Variants in SMYD3 observed in about 807,000 individuals in gnomAD.
The protein encoded by SMYD3 is SET and MYND domain containing 3, also known as histone-lysine N-methyltransferase SMYD3.
Under a neutral mutation model 57.7 loss-of-function variants are expected in SMYD3, and 36 were observed. The ratio of observed to expected loss-of-function variants is 0.62; its 90% CI spans 0.48 to 0.82. SMYD3 has a LOEUF of 0.82. SMYD3 is among the 40% of genes least tolerant of loss of function. The pLI, the probability that SMYD3 is intolerant of heterozygous loss-of-function variation, is 0.00. For missense variants in SMYD3, 515 were observed against 538.8 expected, an observed-to-expected ratio of 0.96 and a Z score of 0.44; for synonymous variants, 211 against 195.0, an observed-to-expected ratio of 1.08 and a Z score of -0.68.
intron 5 of SMYD3, among the ~76,000 whole-genome samples, chr1:246,102,290 T>C (rs929359195): frequency 1.8e-4 from 27 of 152,326 alleles, no homozygotes; most frequent in Admixed American, 1.2e-3. Context: ...CCAATATTGC[T>C]GCTCTAGTTC....
At chr1:246,011,073 C>T (rs377534409) in intron 5 of SMYD3, among the ~76,000 whole-genome samples, 6 of 152,186 alleles carry the variant, frequency 3.9e-5, no homozygotes, top group African/African-American at 1.2e-4. Context: ...CATTTTAAAT[C>T]GTATTACAAA....
chr1:246,053,388 A>G lies in SMYD3; in HGVS notation c.532-123451T>C, dbSNP rs573478496. On this transcript the variant is annotated intron_variant, in intron 5 of 11. Transcript: ENST00000490107. ...TAGCCAAATCAATTTTAAAGAGAGA[A>G]AAAAAAAAGTTAGAGGGCATACACT... Among the ~76,000 whole-genome samples, 7 of 151,356 alleles carry G rather than the reference A, an allele frequency of 4.6e-5. No homozygotes were observed. In the East Asian group the frequency reaches 1.2e-3, roughly 25 times the overall value.
At chr1:246,376,812 C>T (rs2066286961) in intron 1 of SMYD3, among the ~76,000 whole-genome samples, 1 of 151,730 alleles carries the variant, frequency 6.6e-6, no homozygotes, top group South Asian at 2.1e-4. Flanking sequence ...AAAAAAATAA[C>T]GTATTGGCCG....
intron 5 of SMYD3, among the ~76,000 whole-genome samples, chr1:246,069,578 G>A (rs899680559): frequency 3.3e-5 from 5 of 152,246 alleles, no homozygotes; most frequent in East Asian, 1.9e-4. Flanking sequence ...TTAATAAGCC[G>A]AACTGATAAA....
intron 5 of SMYD3, among the ~76,000 whole-genome samples, chr1:246,056,464 G>A (rs980978269): frequency 1.1e-4 from 17 of 152,068 alleles, no homozygotes; most frequent in Admixed American, 2.6e-4. Flanking sequence ...GTATGAAGTC[G>A]TTTATCCAGG....
chr1:246,407,355 G>A (rs917040549), intron 1 of SMYD3, among the ~76,000 whole-genome samples: 9 of 152,142 alleles, frequency 5.9e-5, no homozygotes, highest in Admixed American at 1.3e-4. Flanking sequence ...CATCATCTGA[G>A]ACTATAAGGT....
intron 5 of SMYD3, among the ~76,000 whole-genome samples, chr1:245,987,025 C>T (rs1185201195): frequency 6.6e-6 from 1 of 152,218 alleles, no homozygotes; most frequent in Non-Finnish European, 1.5e-5. Context: ...TGAGTCACCA[C>T]TTGCGGATGA....
intron 5 of SMYD3, among the ~76,000 whole-genome samples, chr1:246,116,463 G>A (rs2061343849): frequency 6.6e-6 from 1 of 152,216 alleles, no homozygotes; most frequent in South Asian, 2.1e-4. Flanking sequence ...TGGCTCTCCT[G>A]CAGAGGAAGA....
chr1:246,330,555 A>G lies in SMYD3; in HGVS notation c.337-18T>C. Reference sequence around the variant, plus strand: ...CCATCCATCTGTGAAGGAAAAGGGGAAAACGCCAATAACAATTTCAAGTGT... The same window carrying G: ...CCATCCATCTGTGAAGGAAAAGGGGGAAACGCCAATAACAATTTCAAGTGT... On this transcript the variant is annotated intron_variant, in intron 3 of 11. Transcript: ENST00000490107. 1 of 1,579,586 alleles carries G rather than the reference A, an allele frequency of 6.3e-7. No homozygotes were observed. Among genetic ancestry groups the G allele is most frequent in the Non-Finnish European group, 8.6e-7 (1 of 1,167,018 alleles).
At chr1:245,893,756 T>TTGG (rs1467783987) in intron 8 of SMYD3, among the ~76,000 whole-genome samples, 1 of 14,800 alleles carries the variant, frequency 6.8e-5, no homozygotes, top group Non-Finnish European at 1.3e-4. Context: ...CTTCTCTATC[T>TTGG]TGATGGTGGT....
At chr1:246,458,748 G>C (rs1212126178) in intron 1 of SMYD3, among the ~76,000 whole-genome samples, 1 of 149,910 alleles carries the variant, frequency 6.7e-6, no homozygotes, top group Non-Finnish European at 1.5e-5. Context: ...TTACAGGCGT[G>C]AGCCACCGCG....
chr1:245,932,335 A>G (rs1048230797), intron 5 of SMYD3, among the ~76,000 whole-genome samples: 3 of 152,186 alleles, frequency 2.0e-5, no homozygotes, highest in Non-Finnish European at 4.4e-5. Context: ...AGCTAACAAG[A>G]GGAAATGTCA....
rs2062950284 is a variant in SMYD3 at position 246,203,486 on chromosome 1, T to C, written c.531+123715A>G. On this transcript the variant is annotated intron_variant, in intron 5 of 11. Coordinates refer to ENST00000490107, the MANE Select transcript of SMYD3 (RefSeq NM_001167740.2). The surrounding 1 kb of genome is among the most constrained non-coding windows in gnomAD (Gnocchi z 4.6). ...AGTCTGGAAGTTCAAGATGAAAGTA[T>C]CTATAGGTTTGGTTTCCTCCGAGCC... Among the ~76,000 whole-genome samples, 1 of 152,172 alleles carries C rather than the reference T, an allele frequency of 6.6e-6. No homozygotes were observed. Among genetic ancestry groups the C allele is most frequent in the African/African-American group, 2.4e-5 (1 of 41,446 alleles).
intron 8 of SMYD3, among the ~76,000 whole-genome samples, chr1:245,875,769 CCTAG>C (rs1202148534): frequency 1.3e-5 from 2 of 152,188 alleles, no homozygotes; most frequent in African/African-American, 4.8e-5. Context: ...ATTACACAGC[CCTAG>C]CTGTTTGCCT....
chr1:246,378,709 TATATA>T lies in SMYD3; in HGVS notation c.165-23620_165-23616del, dbSNP rs1232167482. Among the ~76,000 whole-genome samples, 72 of 49,984 alleles carry T rather than the reference TATATA, an allele frequency of 1.4e-3. 1 individual carries two copies. The highest frequency in any genetic ancestry group is 1.9e-3 in the Non-Finnish European group (44 of 23,782). 32.8% of individuals were successfully genotyped at this position (49,984 alleles called of 152,430 possible). On this transcript the variant is annotated intron_variant, in intron 1 of 11. Coordinates refer to ENST00000490107, the MANE Select transcript of SMYD3 (RefSeq NM_001167740.2). ...TATACTTAATAAACTCCCCTTTATA[TATATA>T]ATATAATATATTATATATTATATAT...
At chr1:246,345,568 C>G (rs1035299754) in intron 2 of SMYD3, among the ~76,000 whole-genome samples, 1 of 152,188 alleles carries the variant, frequency 6.6e-6, no homozygotes, top group Non-Finnish European at 1.5e-5. Flanking sequence ...CTTTGGGTAT[C>G]ATGCTGGTGC....
intron 1 of SMYD3, among the ~76,000 whole-genome samples, chr1:246,485,136 A>C (rs1233292061): frequency 1.3e-5 from 2 of 151,848 alleles, no homozygotes; most frequent in Non-Finnish European, 2.9e-5. Flanking sequence ...ACACCTGAAA[A>C]CACATGACTT....
intron 10 of SMYD3, among the ~76,000 whole-genome samples, chr1:245,822,455 A>C (rs1346679285): frequency 1.3e-5 from 2 of 150,122 alleles, no homozygotes; most frequent in Non-Finnish European, 3.0e-5. Context: ...CTAGATGACG[A>C]GTTAGTGGGT....
chr1:246,001,060 A>G (rs1314601265), intron 5 of SMYD3, among the ~76,000 whole-genome samples: 2 of 152,194 alleles, frequency 1.3e-5, no homozygotes, highest in African/African-American at 4.8e-5. Flanking sequence ...GTCTTACGAA[A>G]TGAGGCCGCT....
Sources: allele counts gnomAD v4.1 joint callset (sites outside exome capture counted in the v4.1 genomes callset), GRCh38; gene constraint gnomAD v4.1.1; non-coding constraint Gnocchi (gnomAD v3.1); transcripts MANE v1.5; gene names NCBI Gene and HGNC (gene_info 2026-07-23, HGNC 2026-07-21).